Variants in WDR73 observed in about 807,000 individuals in gnomAD.
WDR73 encodes the protein integrator complex assembly factor WDR73.
WDR73 carries 30 observed loss-of-function variants against 38.2 expected under a neutral mutation model. The ratio of observed to expected loss-of-function variants is 0.79; its 90% CI spans 0.59 to 1.06. WDR73 has a LOEUF of 1.06. Ranked by LOEUF, WDR73 falls within the 50% of genes least tolerant of loss-of-function variation. WDR73 has a pLI of 0.00. For synonymous variants in WDR73, 197 were observed against 176.0 expected, an observed-to-expected ratio of 1.12 and a Z score of -0.94; for missense variants, 487 against 467.0, an observed-to-expected ratio of 1.04 and a Z score of -0.40.
intron 7 of WDR73, 55 bp from the exon 8 acceptor site, chr15:84,643,778 T>C (rs1174989949): frequency 2.2e-5 from 33 of 1,493,246 alleles, no homozygotes; most frequent in Non-Finnish European, 2.6e-5. Context: ...TATTTTAAAA[T>C]AATTTTCTTT....
rs1485425880 is a variant in WDR73 at position 84,642,639 on chromosome 15, A to G, written c.*831T>C. On this transcript the variant is annotated 3_prime_UTR_variant, in exon 8 of 8. Transcript: ENST00000434634. ...ATACCACCACAACCAGCTAACTTGTATTTTTAGTAGAGACAAGGTTTCGCC... is the reference window on the plus strand; with the variant it reads ...ATACCACCACAACCAGCTAACTTGTGTTTTTAGTAGAGACAAGGTTTCGCC... 6.6e-6 allele frequency: 1 copy of G among 152,036 alleles called. No individual in the cohort carries two copies. Among genetic ancestry groups the G allele is most frequent in the Non-Finnish European group, 1.5e-5 (1 of 68,050 alleles). 9.4% of individuals were successfully genotyped at this position (152,036 alleles called of 1,614,324 possible). A position where few individuals can be genotyped will look rare whatever the true frequency, so the allele number is the denominator to read the frequency against.
rs1173726753 is a variant in WDR73, at chr15:84,641,806, A to T, written c.*1664T>A. 6.6e-6 allele frequency: 1 copy of T among 152,144 alleles called. No individual in the cohort carries two copies. The highest frequency in any genetic ancestry group is 1.5e-5 in the Non-Finnish European group (1 of 68,014). The allele number at this position is 152,144 out of a possible 1,614,324, so 9.4% of individuals were successfully genotyped here. ...AGTGCTGGGATTACAGGCGTGAGCC[A>T]CTGTGCCTGGTCTATCTTTAAATTC... On this transcript the variant is annotated 3_prime_UTR_variant, in exon 8 of 8. Coordinates refer to ENST00000434634, the MANE Select transcript of WDR73 (RefSeq NM_032856.5).
chr15:84,646,799 A>G (rs1247387982), intron 5 of WDR73: 2 of 164,068 alleles, frequency 1.2e-5, no homozygotes, highest in Non-Finnish European at 2.7e-5. Flanking sequence ...TACAGGTCAC[A>G]TTACAGATGT....
In WDR73 at chr15:84,653,651, A is replaced by G; in HGVS notation, c.90T>C (p.Leu30=). The stretch of plus-strand genomic sequence containing the variant: ...TACCACCTTTGTCATCAATCCATTC[A>G]AGGACTCGAGTGGCTCCTGACAGGT... The part of the protein sequence containing the change: ...AFDLSGATRV[L]EWIDDKGVFV... The change falls in exon 2 of 8, where the codon CTT becomes CTC. Residue 30 remains leucine, a synonymous_variant. Transcript: ENST00000434634. 1 of 1,594,516 alleles carries G rather than the reference A, an allele frequency of 6.3e-7. No homozygotes were observed. Among genetic ancestry groups the G allele is most frequent in the South Asian group, 1.1e-5 (1 of 87,628 alleles).
rs549098486 is a variant in WDR73, at chr15:84,648,313, C to G, written c.287+224G>C. Reference sequence around the variant, plus strand: ...ATTCCCTGGAGCAACTCCGGTAGAACTGTTACTTACATTAGTCCAAGGGCT... The same window carrying G: ...ATTCCCTGGAGCAACTCCGGTAGAAGTGTTACTTACATTAGTCCAAGGGCT... On this transcript the variant is annotated intron_variant, in intron 4 of 7. Coordinates refer to ENST00000434634, the MANE Select transcript of WDR73 (RefSeq NM_032856.5). 3 of 588,392 alleles carry G rather than the reference C, an allele frequency of 5.1e-6. No homozygotes were observed. The East Asian group carries it at 8.3e-5, about 16-fold the overall frequency. 36.4% of individuals were successfully genotyped at this position (588,392 alleles called of 1,614,324 possible).
Position 84,652,791 on chromosome 15 carries a change from C to A in WDR73, c.121G>T (p.Ala41Ser), listed in dbSNP as rs568065695. 6 of 1,531,072 alleles carry A rather than the reference C, an allele frequency of 3.9e-6. No individual in the cohort carries two copies. The South Asian group carries it at 7.5e-5, about 19-fold the overall frequency. The allele number at this position is 1,531,072 out of a possible 1,614,324, so 94.8% of individuals were successfully genotyped here. Residue 41 changes from alanine to serine, a missense_variant, in exon 3 of 8, where the codon GCT (alanine) becomes TCT (serine). Physicochemically the swap from Ala to Ser is moderately conservative, Grantham distance 99. Transcript: ENST00000434634. Reference sequence around the variant, plus strand: ...TTCTTTTTCAGGCTTTCATAGCCAGCAACAAAGACTCCTGGAAAAAGAAGC... The same window carrying A: ...TTCTTTTTCAGGCTTTCATAGCCAGAAACAAAGACTCCTGGAAAAAGAAGC... ...EWIDDKGVFV[A>S]GYESLKKNEI...
At chr15:84,644,628 G>C (rs970920969) in intron 7 of WDR73, 1 of 147,490 alleles carries the variant, frequency 6.8e-6, no homozygotes, top group East Asian at 2.0e-4. Flanking sequence ...CGCCAGTCTG[G>C]AGTGCAGTGG....
intron 1 of WDR73, 188 bp from the exon 2 acceptor site, chr15:84,653,887 C>T (rs1896704579): frequency 1.6e-6 from 1 of 623,504 alleles, no homozygotes; most frequent in Non-Finnish European, 2.9e-6. Flanking sequence ...AGCCTCGGTC[C>T]TCATGTGTGG....
intron 3 of WDR73, among the ~76,000 whole-genome samples, chr15:84,650,331 G>T (rs1265650791): frequency 6.6e-6 from 1 of 151,270 alleles, no homozygotes; most frequent in Non-Finnish European, 1.5e-5. Context: ...GGGATTAAAG[G>T]CATATACCAC....
chr15:84,651,475 T>C (rs1896622371), intron 3 of WDR73, among the ~76,000 whole-genome samples: 1 of 152,074 alleles, frequency 6.6e-6, no homozygotes, highest in African/African-American at 2.4e-5. Context: ...TGCCCCCACA[T>C]GGCCCTTCAA....
intron 1 of WDR73, 171 bp downstream of exon 1, chr15:84,654,063 T>C: frequency 1.2e-6 from 1 of 855,298 alleles, no homozygotes. Flanking sequence ...GAAGGAGCCA[T>C]TTCCTAGAGA....
Position 84,653,665 on chromosome 15 carries a change from C to T in WDR73, c.76G>A (p.Ala26Thr), listed in dbSNP as rs186601102. 10 of 1,596,292 alleles carry T rather than the reference C, an allele frequency of 6.3e-6. No homozygotes were observed. In the East Asian group the frequency reaches 2.3e-4, roughly 36 times the overall value. ...QDFYAFDLSG[A>T]TRVLEWIDDK... ...TCAATCCATTCAAGGACTCGAGTGG[C>T]TCCTGACAGGTCGAATGCATAGAAA... The change falls in exon 2 of 8, where the codon GCC (alanine) becomes ACC (threonine). Residue 26 changes from alanine to threonine, a missense_variant. Physicochemically the swap from Ala to Thr is moderately conservative, Grantham distance 58. Coordinates refer to ENST00000434634, the MANE Select transcript of WDR73 (RefSeq NM_032856.5).
In WDR73 at chr15:84,650,123, C is replaced by G. The variant is rs148893885; in HGVS notation, c.199-1498G>C. On this transcript the variant is annotated intron_variant, in intron 3 of 7. Coordinates refer to ENST00000434634, the MANE Select transcript of WDR73 (RefSeq NM_032856.5). ...TCTATGTCCTTGTCTAGCCTCTTAGCCTCTTCTCTTCTAAACAATTAGACT... is the reference window on the plus strand; with the variant it reads ...TCTATGTCCTTGTCTAGCCTCTTAGGCTCTTCTCTTCTAAACAATTAGACT... Among the ~76,000 whole-genome samples the G allele has an allele frequency of 2.4e-3, 364 of 152,268 alleles. 5 individuals are homozygous for G. Among genetic ancestry groups the G allele is most frequent in the African/African-American group, 8.5e-3 (354 of 41,560 alleles).
At chr15:84,646,136 G>A in intron 6 of WDR73, 48 bp downstream of exon 6, 1 of 1,611,636 alleles carries the variant, frequency 6.2e-7, no homozygotes. Flanking sequence ...TTGGGCTGGG[G>A]GGTGATGCCG....
At position 84,645,663 on chromosome 15, in the gene WDR73, CA is replaced by C; in HGVS notation, c.690del (p.Ser232AlafsTer31). On this transcript the variant is annotated frameshift_variant, in exon 7 of 8. Coordinates refer to ENST00000434634, the MANE Select transcript of WDR73 (RefSeq NM_032856.5). LOFTEE classifies it high-confidence loss of function. ...GSGGERWCAE[V>X]GSWGQGPGPS... ...GGCCCAGGGCCCTGGCCCCAGCTCC[CA>C]ACTTCAGCACACCATCTCTCTCCAC... 1 of 1,608,642 alleles carries C rather than the reference CA, an allele frequency of 6.2e-7. No individual in the cohort carries two copies. Among genetic ancestry groups the C allele is most frequent in the Non-Finnish European group, 8.5e-7 (1 of 1,177,722 alleles).
Position 84,643,489 on chromosome 15 carries a change from T to C in WDR73, c.1118A>G (p.Asp373Gly), listed in dbSNP as rs780224547. The C allele has an allele frequency of 7.7e-6, 12 of 1,559,838 alleles. No individual in the cohort carries two copies. In the East Asian group the frequency reaches 2.6e-4, roughly 34 times the overall value. ...DASLHVWDWVDLCAPR is the reference protein window; with the variant it reads ...DASLHVWDWVGLCAPR ...CTGGTGTCAGCGGGGGGCACAAAGG[T>C]CCACCCAGTCCCACACATGCAGAGA... Residue 373 changes from aspartate to glycine, a missense_variant, in exon 8 of 8, where the codon GAC becomes GGC. Coordinates refer to ENST00000434634, the MANE Select transcript of WDR73 (RefSeq NM_032856.5).
At chr15:84,648,430 T>G in intron 4 of WDR73, 107 bp downstream of exon 4, 1 of 764,806 alleles carries the variant, frequency 1.3e-6, no homozygotes, top group South Asian at 1.5e-5. Flanking sequence ...CATGTGCCTG[T>G]GTGCTGAGGG....
In WDR73 at chr15:84,643,603, C is replaced by T; in HGVS notation, c.1004G>A (p.Gly335Glu). The T allele has an allele frequency of 6.2e-7, 1 of 1,612,828 alleles. No homozygotes were observed. Among genetic ancestry groups the T allele is most frequent in the Non-Finnish European group, 8.5e-7 (1 of 1,179,430 alleles). ...FTHRGHIFLDGNGMDPAPLVT... is the reference protein window; with the variant it reads ...FTHRGHIFLDENGMDPAPLVT... ...CAAAGGAGCAGGGTCCATCCCATTT[C>T]CATCTAGGAAGATGTGACCTCTGTG... The change falls in exon 8 of 8, where the codon GGA becomes GAA. Residue 335 changes from glycine (G) to glutamate (E), a missense_variant. Physicochemically the swap from Gly to Glu is moderately conservative, Grantham distance 98. Transcript: ENST00000434634.
In WDR73 at chr15:84,643,249, A is replaced by C; in HGVS notation, c.*221T>G. The C allele has an allele frequency of 1.7e-6, 1 of 578,164 alleles. No homozygotes were observed. The highest frequency in any genetic ancestry group is 2.2e-5 in the South Asian group (1 of 45,276). 35.8% of individuals were successfully genotyped at this position (578,164 alleles called of 1,614,324 possible). ...ATCTAACAATAGCTACCAAGTAATT[A>C]TGCCATGCGTTTCTTCTAACCTTCG... is the stretch of plus-strand genomic sequence containing the variant. On this transcript the variant is annotated 3_prime_UTR_variant, in exon 8 of 8. Coordinates refer to ENST00000434634, the MANE Select transcript of WDR73 (RefSeq NM_032856.5).
Sources: allele counts gnomAD v4.1 joint callset (sites outside exome capture counted in the v4.1 genomes callset), GRCh38; gene constraint gnomAD v4.1.1; transcripts MANE v1.5; gene names NCBI Gene and HGNC (gene_info 2026-07-23, HGNC 2026-07-21).